Variants in FCGR2A observed in about 807,000 individuals in gnomAD.
FCGR2A encodes Fc gamma receptor IIa.
A neutral mutation model predicts 29.3 loss-of-function variants in FCGR2A; 18 were observed. That is an observed-to-expected ratio of 0.62 (90% CI 0.43 to 0.91). FCGR2A has a LOEUF of 0.91. Ranked by LOEUF, FCGR2A falls within the 40% of genes least tolerant of loss-of-function variation. FCGR2A has a pLI of 0.00. For missense variants in FCGR2A, 287 were observed against 393.0 expected, an observed-to-expected ratio of 0.73 and a Z score of 2.28; for synonymous variants, 126 against 144.8, an observed-to-expected ratio of 0.87 and a Z score of 0.93.
intron 6 of FCGR2A, among the ~76,000 whole-genome samples, chr1:161,517,662 T>C (rs72717040): frequency 0.085 from 12,891 of 152,044 alleles, 781 homozygotes; most frequent in Non-Finnish European, 0.12. Context: ...GTAGTTTCTG[T>C]TTGATGACTT....
chr1:161,506,052 C>T, intron 2 of FCGR2A, 45 bp downstream of exon 2: 1 of 1,588,960 alleles, frequency 6.3e-7, no homozygotes. Context: ...GTTGTATCCT[C>T]ATAATATGAT....
rs528232718 is a variant in FCGR2A at position 161,517,969 on chromosome 1, C to T, written c.781-6C>T. On this transcript the variant is annotated splice_polypyrimidine_tract_variant and splice_region_variant and intron_variant, in intron 6 of 6. Transcript: ENST00000271450. ...TATCCTATGGGTTTTAAATGCTTTC[C>T]TGCAGCCACCTGGACGTCAAATGAT... is the stretch of plus-strand genomic sequence containing the variant. 1.9e-6 allele frequency: 3 copies of T among 1,613,262 alleles called. No individual in the cohort carries two copies. The South Asian group carries it at 3.3e-5, about 18-fold the overall frequency.
chr1:161,511,825 G>A (rs1274600282), intron 5 of FCGR2A, among the ~76,000 whole-genome samples: 1 of 152,202 alleles, frequency 6.6e-6, no homozygotes, highest in Non-Finnish European at 1.5e-5. Flanking sequence ...GAAACCAGGT[G>A]AATACAGAGT....
At chr1:161,520,164 A>G (rs1260765889), downstream of FCGR2A, among the ~76,000 whole-genome samples, 1 of 152,058 alleles carries the variant, frequency 6.6e-6, no homozygotes, top group Non-Finnish European at 1.5e-5. Flanking sequence ...GTCTCTATGT[A>G]TTAGTCTGTT....
In FCGR2A at chr1:161,518,447, A is replaced by T; in HGVS notation, c.*299A>T. On this transcript the variant is annotated 3_prime_UTR_variant, in exon 7 of 7. Coordinates refer to ENST00000271450, the MANE Select transcript of FCGR2A (RefSeq NM_001136219.3). ...CAGCCTACTAACATATAATTAGGTG[A>T]CTAGGGACTTTCTAAGAAGATACCT... 1 of 357,766 alleles carries T rather than the reference A, an allele frequency of 2.8e-6. No individual in the cohort carries two copies. Among genetic ancestry groups the T allele is most frequent in the Non-Finnish European group, 4.9e-6 (1 of 205,652 alleles). 22.2% of individuals were successfully genotyped at this position (357,766 alleles called of 1,614,324 possible). A position where few individuals can be genotyped will look rare whatever the true frequency, so the allele number is the denominator to read the frequency against.
rs2102470528 is a variant in FCGR2A, at chr1:161,510,968, C to T, written c.742+12C>T. The T allele has an allele frequency of 1.9e-6, 3 of 1,614,124 alleles. No homozygotes were observed. Among genetic ancestry groups the T allele is most frequent in the Middle Eastern group, 1.6e-4 (1 of 6,062 alleles). ...AAAGCGGATTTCAGGTTTGTAGCTC[C>T]TCCCAGTCCCTTTTGTTATCAGTTT... On this transcript the variant is annotated intron_variant, in intron 5 of 6. Transcript: ENST00000271450.
Position 161,512,704 on chromosome 1 carries a change from G to A in FCGR2A, c.743-1191G>A, listed in dbSNP as rs951097095. Among the ~76,000 whole-genome samples, 68 of 152,094 alleles carry A rather than the reference G, an allele frequency of 4.5e-4. 1 individual carries two copies. The highest frequency in any genetic ancestry group is 1.5e-3 in the African/African-American group (62 of 41,448). ...GGCAGGAAAAAGGCTGTCAAAGACC[G>A]CACCTCAGATGGCTGGAGTATGATT... On this transcript the variant is annotated intron_variant, in intron 5 of 6. Coordinates refer to ENST00000271450, the MANE Select transcript of FCGR2A (RefSeq NM_001136219.3).
At chr1:161,517,642 A>G (rs1014623678) in intron 6 of FCGR2A, among the ~76,000 whole-genome samples, 7 of 152,162 alleles carry the variant, frequency 4.6e-5, no homozygotes, top group Non-Finnish European at 1.0e-4. Flanking sequence ...TCCAAAGGCC[A>G]GATAAGAATG....
chr1:161,522,923 A>G (rs190229272), downstream of FCGR2A: 1 of 152,148 alleles, frequency 6.6e-6, no homozygotes, highest in Non-Finnish European at 1.5e-5. Flanking sequence ...TCCCTCTTAA[A>G]AAGTCCCTTG....
downstream of FCGR2A, among the ~76,000 whole-genome samples, chr1:161,522,421 C>T (rs1172778542): frequency 6.6e-6 from 1 of 152,042 alleles, no homozygotes; most frequent in Non-Finnish European, 1.5e-5. Context: ...AGGGCTATGC[C>T]TGTAACTCTT....
chr1:161,523,429 T>G (rs1000837579), downstream of FCGR2A: 24 of 152,064 alleles, frequency 1.6e-4, no homozygotes, highest in African/African-American at 5.8e-4. Flanking sequence ...TCCTCCAGCC[T>G]TTAGGAGGTA....
intron 3 of FCGR2A, among the ~76,000 whole-genome samples, chr1:161,508,587 C>CAAA (rs10648106): frequency 0.13 from 11,877 of 88,120 alleles, 704 homozygotes; most frequent in Middle Eastern, 0.24. Context: ...AACTCCATCT[C>CAAA]AAAAAAAAAA....
intron 6 of FCGR2A, 111 bp downstream of exon 6, chr1:161,514,043 C>A (rs975886389): frequency 2.4e-5 from 36 of 1,516,348 alleles, no homozygotes; most frequent in Non-Finnish European, 3.1e-5. Flanking sequence ...GGCCTGAAAA[C>A]TCCTGAGCAA....
chr1:161,506,772 G>C, intron 3 of FCGR2A, 181 bp downstream of exon 3: 1 of 1,211,144 alleles, frequency 8.3e-7, no homozygotes, highest in Non-Finnish European at 1.1e-6. Flanking sequence ...GTGGGGGAAG[G>C]GGGAATTTCT....
chr1:161,506,106 A>C, intron 2 of FCGR2A, 99 bp downstream of exon 2: 1 of 1,375,644 alleles, frequency 7.3e-7, no homozygotes, highest in South Asian at 1.2e-5. Flanking sequence ...TATTCCACTG[A>C]AAATCAAGCT....
At chr1:161,511,042 A>C (rs1675745864) in intron 5 of FCGR2A, 86 bp downstream of exon 5, 1 of 1,595,074 alleles carries the variant, frequency 6.3e-7, no homozygotes, top group African/African-American at 1.3e-5. Context: ...TCCCGCTCTT[A>C]GGGCTAGATA....
At position 161,505,487 on chromosome 1, in the gene FCGR2A, T is replaced by C; in HGVS notation, c.20T>C (p.Met7Thr). Residue 7 changes from methionine (M) to threonine (T), a missense_variant, in exon 1 of 7, where the codon ATG becomes ACG. This residue lies in a region of FCGR2A where 181 missense variants were observed against 250.9 expected (regional missense o/e 0.72). Transcript: ENST00000271450. MTMETQ[M>T]SQNVCPRNLW... ...GCTGGGATGACTATGGAGACCCAAA[T>C]GTCTCAGAATGTATGTCCCAGAAAC... 6.2e-7 allele frequency: 1 copy of C among 1,613,898 alleles called. No homozygotes were observed. Among genetic ancestry groups the C allele is most frequent in the South Asian group, 1.1e-5 (1 of 91,078 alleles).
intron 5 of FCGR2A, among the ~76,000 whole-genome samples, chr1:161,512,753 G>A (rs1366969475): frequency 6.6e-6 from 1 of 152,210 alleles, no homozygotes; most frequent in Admixed American, 6.5e-5. Context: ...ACAGATTTAA[G>A]AGCTTGAGCA....
intron 5 of FCGR2A, among the ~76,000 whole-genome samples, chr1:161,512,622 G>A (rs1230859797): frequency 6.6e-6 from 1 of 150,438 alleles, no homozygotes; most frequent in Admixed American, 6.6e-5. Flanking sequence ...TGTAGTTAAA[G>A]TCAGAGCATA....
Sources: allele counts gnomAD v4.1 joint callset (sites outside exome capture counted in the v4.1 genomes callset), GRCh38; gene constraint gnomAD v4.1.1; regional missense constraint gnomAD v4.1.1; transcripts MANE v1.5; gene names NCBI Gene and HGNC (gene_info 2026-07-23, HGNC 2026-07-21).